The following DDX46 variants were observed in gnomAD, a reference collection of about 807,000 sequenced individuals.
The protein encoded by DDX46 is probable ATP-dependent RNA helicase DDX46.
Under a neutral mutation model 134.9 loss-of-function variants are expected in DDX46, and 30 were observed. The observed-to-expected ratio is 0.22, with a 90% CI of 0.17 to 0.30. DDX46 has a LOEUF of 0.30. DDX46 is among the 10% of genes least tolerant of loss of function. The pLI is 1.00. For synonymous variants in DDX46, 415 were observed against 404.1 expected (o/e 1.03, Z -0.32); for missense variants, 622 against 1,248.7 (o/e 0.50, Z 7.56).
At chr5:134,779,228 C>T (rs1359694126) in intron 6 of DDX46, among the ~76,000 whole-genome samples, 1 of 151,612 alleles carries the variant, frequency 6.6e-6, no homozygotes, top group Non-Finnish European at 1.5e-5. Context: ...GAGTCTTGCT[C>T]TGTTGCCTAG....
intron 15 of DDX46, among the ~76,000 whole-genome samples, chr5:134,798,492 C>A (rs1174848447): frequency 6.6e-6 from 1 of 152,178 alleles, no homozygotes; most frequent in Non-Finnish European, 1.5e-5. Context: ...CGTGAACCAC[C>A]ACGCCCGGCC....
At position 134,777,239 on chromosome 5, in the gene DDX46, A is replaced by G. The variant is rs147184645; in HGVS notation, c.614-335A>G. Among the ~76,000 whole-genome samples the G allele has an allele frequency of 1.6e-4, 25 of 152,322 alleles. No individual in the cohort carries two copies. In the East Asian group the frequency reaches 4.8e-3, roughly 29 times the overall value. ...TCTCAAAAAAAACATCATTTAGCAGAGAAAGTTTGTAGTTCTGCATCCAGC... is the reference window on the plus strand; with the variant it reads ...TCTCAAAAAAAACATCATTTAGCAGGGAAAGTTTGTAGTTCTGCATCCAGC... On this transcript the variant is annotated intron_variant, in intron 5 of 22. Transcript: ENST00000452510.
Position 134,778,577 on chromosome 5 carries a change from A to G in DDX46, c.765+852A>G, listed in dbSNP as rs1340676684. On this transcript the variant is annotated intron_variant, in intron 6 of 22. Transcript: ENST00000452510. ...GTATTTTGTTTCATTTTATTTATTT[A>G]TTTATTTTTTTTCTGAGACAGAGTC... is the stretch of plus-strand genomic sequence containing the variant. Among the ~76,000 whole-genome samples, 5 of 151,662 alleles carry G rather than the reference A, an allele frequency of 3.3e-5. No homozygotes were observed. The East Asian group carries it at 9.7e-4, about 30-fold the overall frequency.
Position 134,817,479 on chromosome 5 carries a change from GTCT to G in DDX46, c.2614-12_2614-10del. 2 of 1,608,300 alleles carry G rather than the reference GTCT, an allele frequency of 1.2e-6. No homozygotes were observed. The highest frequency in any genetic ancestry group is 1.3e-5 in the African/African-American group (1 of 74,810). On this transcript the variant is annotated splice_polypyrimidine_tract_variant and intron_variant, in intron 19 of 22. Coordinates refer to ENST00000452510, the MANE Select transcript of DDX46 (RefSeq NM_001300860.2). The stretch of plus-strand genomic sequence containing the variant: ...CTGCCCTCATTTGAGATTTAACTAA[GTCT>G]TCTTTAACTACAGGATGTGATGCAG...
At chr5:134,828,635 C>A in intron 22 of DDX46, 24 bp from the exon 23 acceptor site, 2 of 1,401,704 alleles carry the variant, frequency 1.4e-6, no homozygotes, top group Non-Finnish European at 1.9e-6. Flanking sequence ...TCTCTGATGA[C>A]ATATCTTTTA....
chr5:134,811,669 A>T (rs1285757972), intron 17 of DDX46, 27 bp from the exon 18 acceptor site: 2 of 1,574,802 alleles, frequency 1.3e-6, no homozygotes, highest in South Asian at 1.2e-5. Flanking sequence ...TTACTATGAG[A>T]TTAACTTCGT....
chr5:134,828,738 G>C lies in DDX46; in HGVS notation c.*32G>C. ...GGAAAAAAGATTTTTACCTGTGCTG[G>C]TCTATGATGTATGTGGCAGTTGCTG... On this transcript the variant is annotated 3_prime_UTR_variant, in exon 23 of 23. Transcript: ENST00000452510. The C allele has an allele frequency of 7.0e-7, 1 of 1,429,334 alleles. No individual in the cohort carries two copies. The highest frequency in any genetic ancestry group is 9.3e-7 in the Non-Finnish European group (1 of 1,079,796). The allele number at this position is 1,429,334 out of a possible 1,614,324, so 88.5% of individuals were successfully genotyped here.
At position 134,811,202 on chromosome 5, in the gene DDX46, C is replaced by T. The variant is rs1205739925; in HGVS notation, c.2149-19C>T. The T allele has an allele frequency of 6.2e-7, 1 of 1,609,286 alleles. No homozygotes were observed. The highest frequency in any genetic ancestry group is 1.1e-5 in the South Asian group (1 of 90,508). Reference sequence around the variant, plus strand: ...ATCTTGTTAGTGTCTAATAATTGTACTTTTTCATCATGCATTAGGGTTATG... The same window carrying T: ...ATCTTGTTAGTGTCTAATAATTGTATTTTTTCATCATGCATTAGGGTTATG... On this transcript the variant is annotated intron_variant, in intron 16 of 22. Coordinates refer to ENST00000452510, the MANE Select transcript of DDX46 (RefSeq NM_001300860.2).
chr5:134,768,203 G>A (rs1208105941), intron 3 of DDX46, among the ~76,000 whole-genome samples: 2 of 151,470 alleles, frequency 1.3e-5, no homozygotes, highest in Non-Finnish European at 2.9e-5. Context: ...TTCGCCTCCC[G>A]GGTTCAAGTA....
chr5:134,793,527 C>T (rs1282007697), intron 13 of DDX46, among the ~76,000 whole-genome samples: 2 of 152,136 alleles, frequency 1.3e-5, no homozygotes, highest in Non-Finnish European at 2.9e-5. Context: ...GCCTCACCCT[C>T]CTGAGTAGCT....
Position 134,758,932 on chromosome 5 carries a change from C to T in DDX46, c.-7C>T. 3 of 1,613,254 alleles carry T rather than the reference C, an allele frequency of 1.9e-6. No homozygotes were observed. The highest frequency in any genetic ancestry group is 2.2e-5 in the South Asian group (2 of 91,058). ...TCAAGGGCACCAGTATTCCCGCGGT[C>T]GGCAGCATGGGTCGGGAGTCACGGT... On this transcript the variant is annotated 5_prime_UTR_variant, in exon 1 of 23. Coordinates refer to ENST00000452510, the MANE Select transcript of DDX46 (RefSeq NM_001300860.2).
At chr5:134,807,437 A>G (rs1032910291) in intron 15 of DDX46, among the ~76,000 whole-genome samples, 1 of 152,142 alleles carries the variant, frequency 6.6e-6, no homozygotes, top group East Asian at 1.9e-4. Context: ...TCTTGTCAAT[A>G]TAGGCTGAAT....
chr5:134,784,130 G>C (rs1754261084), intron 9 of DDX46, among the ~76,000 whole-genome samples: 1 of 151,798 alleles, frequency 6.6e-6, no homozygotes, highest in Non-Finnish European at 1.5e-5. Flanking sequence ...CATGTAAATG[G>C]GATCAAACAA....
intron 21 of DDX46, among the ~76,000 whole-genome samples, chr5:134,825,468 T>C (rs1755564971): frequency 2.0e-5 from 3 of 152,168 alleles, no homozygotes; most frequent in Admixed American, 2.0e-4. Flanking sequence ...CGTCTCTGTC[T>C]CTCTCTGGGG....
intron 5 of DDX46, among the ~76,000 whole-genome samples, chr5:134,774,432 A>G (rs1753870921): frequency 6.6e-6 from 1 of 152,134 alleles, no homozygotes; most frequent in Non-Finnish European, 1.5e-5. Context: ...GTGTATAAAT[A>G]TCTGTTTGAG....
At chr5:134,805,439 T>A (rs968969515) in intron 15 of DDX46, among the ~76,000 whole-genome samples, 4 of 152,144 alleles carry the variant, frequency 2.6e-5, no homozygotes, top group African/African-American at 9.7e-5. Flanking sequence ...GTGCTGGAAT[T>A]ACAGGCATGA....
chr5:134,819,912 GT>G (rs1755395055), intron 21 of DDX46, among the ~76,000 whole-genome samples: 2 of 151,948 alleles, frequency 1.3e-5, no homozygotes, highest in Admixed American at 1.3e-4. Context: ...TTTGATTTTT[GT>G]TTTGTTTTGT....
At chr5:134,819,536 C>T (rs1309742867) in intron 21 of DDX46, among the ~76,000 whole-genome samples, 1 of 151,944 alleles carries the variant, frequency 6.6e-6, no homozygotes, top group African/African-American at 2.4e-5. Flanking sequence ...AGGCAATTTC[C>T]ATCTTTATTT....
chr5:134,811,356 G>A lies in DDX46; in HGVS notation c.2284G>A (p.Ala762Thr). The change falls in exon 17 of 23, where the codon GCT becomes ACT. Residue 762 changes from alanine to threonine, a missense_variant and splice_region_variant. Transcript: ENST00000452510. ...LWSDFKDQQK[A>T]EGKIIKKSSG... ...GAGTGATTTCAAAGATCAGCAGAAA[G>A]CTGTGAGTTTTTAACCCATGTTACT... The A allele has an allele frequency of 6.2e-7, 1 of 1,613,784 alleles. No individual in the cohort carries two copies. The highest frequency in any genetic ancestry group is 8.5e-7 in the Non-Finnish European group (1 of 1,179,880).
Sources: gnomAD v4.1 joint callset for allele counts (sites outside exome capture counted in the v4.1 genomes callset) on GRCh38, gnomAD v4.1.1 for gene constraint, MANE v1.5 for transcripts, NCBI Gene and HGNC (gene_info 2026-07-23, HGNC 2026-07-21) for gene names.